CCDC171: variants seen among roughly 807,000 people sequenced by gnomAD.
CCDC171 encodes coiled-coil domain-containing protein 171.
CCDC171 carries 177 observed loss-of-function variants against 168.2 expected under a neutral mutation model. The observed-to-expected ratio is 1.05, with a 90% CI of 0.93 to 1.19. The LOEUF is 1.19. Among genes scored for constraint, CCDC171 ranks in the 50% most tolerant of loss-of-function variants. The pLI is 0.00. For synonymous variants in CCDC171, 687 were observed against 540.8 expected (o/e 1.27, Z -3.75); for missense variants, 1,991 against 1,539.0 (o/e 1.29, Z -4.91).
chr9:15,770,531 G>T (rs936831058), intron 18 of CCDC171, among the ~76,000 whole-genome samples: 53 of 152,194 alleles, frequency 3.5e-4, no homozygotes, highest in African/African-American at 1.2e-3. Context: ...GATAACAGAA[G>T]TATCATTTGT....
intron 7 of CCDC171, among the ~76,000 whole-genome samples, chr9:15,630,679 A>G (rs989112743): frequency 3.9e-5 from 6 of 152,222 alleles, no homozygotes; most frequent in African/African-American, 1.4e-4. Flanking sequence ...AGCAGACCTA[A>G]TAGACATCTA....
chr9:15,599,229 G>T (rs1426262830), intron 6 of CCDC171, among the ~76,000 whole-genome samples: 1 of 152,278 alleles, frequency 6.6e-6, no homozygotes, highest in Admixed American at 6.5e-5. Context: ...AGTTGATGCA[G>T]TTTCTTCCTA....
chr9:16,056,627 A>G (rs1484135303), intron 1 of CCDC171, among the ~76,000 whole-genome samples: 1 of 152,052 alleles, frequency 6.6e-6, no homozygotes, highest in Non-Finnish European at 1.5e-5. Context: ...AGCTGGGACT[A>G]CAGGGGTGCA....
chr9:15,907,814 A>G (rs559371672), intron 24 of CCDC171, among the ~76,000 whole-genome samples: 1 of 152,340 alleles, frequency 6.6e-6, no homozygotes, highest in African/African-American at 2.4e-5. Flanking sequence ...ATTTATAAGA[A>G]AAAAACAACC....
At chr9:15,831,373 T>A (rs2060227004) in intron 21 of CCDC171, among the ~76,000 whole-genome samples, 1 of 152,158 alleles carries the variant, frequency 6.6e-6, no homozygotes, top group South Asian at 2.1e-4. Flanking sequence ...GATCATGTAA[T>A]AAAAGAGCAC....
intron 7 of CCDC171, among the ~76,000 whole-genome samples, chr9:15,628,493 C>T (rs555866515): frequency 6.6e-6 from 1 of 152,288 alleles, no homozygotes; most frequent in Admixed American, 6.5e-5. Flanking sequence ...GCTGCCATTG[C>T]CCAGGCTTGC....
At chr9:15,939,374 C>T (rs1166405921) in intron 25 of CCDC171, among the ~76,000 whole-genome samples, 1 of 151,450 alleles carries the variant, frequency 6.6e-6, no homozygotes, top group African/African-American at 2.4e-5. Context: ...AAAAGAAAAC[C>T]CTGCAGAATA....
At chr9:15,638,746 C>T (rs2046381000) in intron 7 of CCDC171, among the ~76,000 whole-genome samples, 1 of 151,300 alleles carries the variant, frequency 6.6e-6, no homozygotes, top group African/African-American at 2.4e-5. Flanking sequence ...TAACATGGAT[C>T]AATGCTTTCT....
chr9:15,564,969 G>C (rs1306031542), intron 2 of CCDC171, among the ~76,000 whole-genome samples: 1 of 152,116 alleles, frequency 6.6e-6, no homozygotes, highest in Non-Finnish European at 1.5e-5. Context: ...GTTTGAGAAG[G>C]ACTGATCTAG....
chr9:15,704,941 A>G (rs981768128), intron 11 of CCDC171, among the ~76,000 whole-genome samples: 10 of 152,102 alleles, frequency 6.6e-5, no homozygotes, highest in African/African-American at 1.9e-4. Context: ...CTCTGTAGCT[A>G]CCAGAAGGAC....
intron 25 of CCDC171, among the ~76,000 whole-genome samples, chr9:15,925,796 G>C (rs367917879): frequency 1.7e-4 from 26 of 151,734 alleles, no homozygotes; most frequent in African/African-American, 6.0e-4. Flanking sequence ...TAGATGGTTT[G>C]AGCATCAGGG....
intron 4 of CCDC171, among the ~76,000 whole-genome samples, chr9:15,586,011 C>G (rs907553205): frequency 2.6e-5 from 4 of 152,010 alleles, no homozygotes; most frequent in African/African-American, 7.2e-5. Context: ...GAACAGTACA[C>G]TAAAGATTTG....
intron 7 of CCDC171, among the ~76,000 whole-genome samples, chr9:15,633,929 A>T (rs1023677836): frequency 1.3e-5 from 2 of 152,202 alleles, no homozygotes; most frequent in African/African-American, 4.8e-5. Context: ...CAAGAACAAC[A>T]AACGAAACAC....
At chr9:15,656,678 A>T (rs1161411219) in intron 7 of CCDC171, among the ~76,000 whole-genome samples, 1 of 152,198 alleles carries the variant, frequency 6.6e-6, no homozygotes, top group Non-Finnish European at 1.5e-5. Flanking sequence ...ACTCCAGAAA[A>T]TGCAAACCTC....
chr9:15,648,953 C>A (rs146620305), intron 7 of CCDC171, among the ~76,000 whole-genome samples: 8 of 152,036 alleles, frequency 5.3e-5, no homozygotes, highest in African/African-American at 1.9e-4. Flanking sequence ...AATCCTAAGC[C>A]GAAAGAACAA....
chr9:15,571,129 T>A (rs977835633), intron 2 of CCDC171, among the ~76,000 whole-genome samples: 1 of 152,228 alleles, frequency 6.6e-6, no homozygotes, highest in Admixed American at 6.5e-5. Flanking sequence ...TTGGTTGCTA[T>A]TATCTCATCT....
chr9:15,979,781 G>C (rs1831736632), intron 3 of CCDC171, among the ~76,000 whole-genome samples: 1 of 151,488 alleles, frequency 6.6e-6, no homozygotes, highest in South Asian at 2.1e-4. Context: ...CTAGTATTAG[G>C]CTAATACTGG....
At chr9:15,800,648 T>A (rs1307092702) in intron 21 of CCDC171, among the ~76,000 whole-genome samples, 4 of 152,148 alleles carry the variant, frequency 2.6e-5, no homozygotes, top group Non-Finnish European at 5.9e-5. Context: ...TTTCTTTGGT[T>A]ATCTGTGCTT....
chr9:15,863,043 TTTTTCTCAAACCACC>T (rs2061625444), intron 23 of CCDC171, among the ~76,000 whole-genome samples: 1 of 142,938 alleles, frequency 7.0e-6, no homozygotes, highest in African/African-American at 2.9e-5. Flanking sequence ...ACCACCACCC[TTTTTCTCAAACCACC>T]ACCCTTTTTC....
Sources: gnomAD v4.1 joint callset for allele counts (sites outside exome capture counted in the v4.1 genomes callset) on GRCh38, gnomAD v4.1.1 for gene constraint, MANE v1.5 for transcripts, NCBI Gene and HGNC (gene_info 2026-07-23, HGNC 2026-07-21) for gene names.